Variants in CNTNAP2 observed in about 807,000 individuals in gnomAD.
The protein encoded by CNTNAP2 is contactin-associated protein-like 2.
In CNTNAP2, 98 loss-of-function variants were observed where a neutral mutation model predicts 155.2. The observed-to-expected ratio is 0.63, with a 90% CI of 0.54 to 0.75. CNTNAP2 has a LOEUF of 0.75. Among genes scored for constraint, CNTNAP2 ranks in the 30% least tolerant of loss-of-function variants. The probability of loss-of-function intolerance (pLI) is 0.00; values close to 1 mark genes in which losing one functional copy is unlikely to be tolerated. For synonymous variants in CNTNAP2, 651 were observed against 631.2 expected (o/e 1.03, Z -0.47); for missense variants, 1,727 against 1,688.1 (o/e 1.02, Z -0.40).
Position 146,409,711 on chromosome 7 carries a change from C to G in CNTNAP2, c.97+292738C>G, listed in dbSNP as rs1007387698. 3.9e-5 allele frequency among the ~76,000 whole-genome samples: 6 copies of G among 152,200 alleles called. No homozygotes were observed. In the East Asian group the frequency reaches 9.6e-4, roughly 24 times the overall value. On this transcript the variant is annotated intron_variant, in intron 1 of 23. Transcript: ENST00000361727. ...AGATTAATCACTGCATCCTCCTCCCCAAAGGCTTTCTACCCTTCCACTAAG... is the reference window on the plus strand; with the variant it reads ...AGATTAATCACTGCATCCTCCTCCCGAAAGGCTTTCTACCCTTCCACTAAG...
intron 17 of CNTNAP2, among the ~76,000 whole-genome samples, chr7:148,170,345 C>T (rs1012125929): frequency 6.6e-6 from 1 of 152,130 alleles, no homozygotes; most frequent in East Asian, 1.9e-4. Flanking sequence ...ATTGCAAGGA[C>T]AAAAGCCATA....
intron 1 of CNTNAP2, among the ~76,000 whole-genome samples, chr7:146,581,507 T>A (rs1296704288): frequency 6.6e-6 from 1 of 152,070 alleles, no homozygotes; most frequent in Non-Finnish European, 1.5e-5. Context: ...GATAGAATAT[T>A]GAAAGTGACC....
intron 3 of CNTNAP2, among the ~76,000 whole-genome samples, chr7:146,842,518 G>A (rs545406986): frequency 6.6e-6 from 1 of 152,080 alleles, no homozygotes; most frequent in South Asian, 2.1e-4. Context: ...CCTGAGACTG[G>A]GTAATTTACG....
intron 3 of CNTNAP2, among the ~76,000 whole-genome samples, chr7:146,929,259 G>T (rs185307218): frequency 3.3e-5 from 5 of 152,164 alleles, no homozygotes; most frequent in African/African-American, 1.2e-4. Context: ...GGAATGATCA[G>T]ACAGCAGCAT....
At chr7:146,605,048 C>A (rs576259942) in intron 1 of CNTNAP2, among the ~76,000 whole-genome samples, 15 of 134,498 alleles carry the variant, frequency 1.1e-4, no homozygotes, top group Non-Finnish European at 2.2e-4. Context: ...ACAATGTGCA[C>A]ATGTACCCTA....
chr7:147,805,224 C>T (rs558613207), intron 13 of CNTNAP2, among the ~76,000 whole-genome samples: 3 of 151,982 alleles, frequency 2.0e-5, no homozygotes, highest in South Asian at 4.2e-4. Context: ...AGCCTGGCCT[C>T]GAACTCCTCA....
intron 12 of CNTNAP2, among the ~76,000 whole-genome samples, chr7:147,580,294 C>T (rs1563006766): frequency 1.3e-5 from 2 of 152,182 alleles, no homozygotes; most frequent in Non-Finnish European, 2.9e-5. Flanking sequence ...TCTGTGCAAC[C>T]CTGCCGTCCC....
chr7:147,231,619 C>A (rs1309012752), intron 8 of CNTNAP2, among the ~76,000 whole-genome samples: 1 of 152,140 alleles, frequency 6.6e-6, no homozygotes, highest in African/African-American at 2.4e-5. Context: ...TTTTTGATAA[C>A]CATCCCAGCA....
intron 3 of CNTNAP2, among the ~76,000 whole-genome samples, chr7:146,869,149 G>GT (rs541310466): frequency 1.2e-3 from 183 of 152,278 alleles, no homozygotes; most frequent in African/African-American, 3.9e-3. Flanking sequence ...GTTGGCTGTG[G>GT]TTTTGTCATA....
chr7:147,314,853 T>C (rs1197583095), intron 9 of CNTNAP2, among the ~76,000 whole-genome samples: 2 of 151,050 alleles, frequency 1.3e-5, no homozygotes, highest in Non-Finnish European at 3.0e-5. Flanking sequence ...AAAAAAATGT[T>C]GGAAGATCAA....
intron 17 of CNTNAP2, among the ~76,000 whole-genome samples, chr7:148,171,203 A>G (rs1260708372): frequency 6.6e-6 from 1 of 152,192 alleles, no homozygotes; most frequent in Non-Finnish European, 1.5e-5. Context: ...AGTAGCATAT[A>G]TAAGGTACTG....
chr7:147,474,148 G>A (rs1459055011), intron 10 of CNTNAP2, among the ~76,000 whole-genome samples: 1 of 151,872 alleles, frequency 6.6e-6, no homozygotes, highest in African/African-American at 2.4e-5. Context: ...TGAATTACAA[G>A]GGATAAAGGG....
At chr7:146,709,322 C>T (rs568152055) in intron 1 of CNTNAP2, among the ~76,000 whole-genome samples, 12 of 152,060 alleles carry the variant, frequency 7.9e-5, no homozygotes, top group East Asian at 1.9e-4. Context: ...TGCATTCTAA[C>T]CATGAAAGCA....
chr7:146,146,986 A>G (rs897379188), intron 1 of CNTNAP2, among the ~76,000 whole-genome samples: 1 of 152,134 alleles, frequency 6.6e-6, no homozygotes, highest in Non-Finnish European at 1.5e-5. Flanking sequence ...CAAGTACTTT[A>G]GTTTTTTTCC....
At chr7:146,400,208 C>A (rs1486003868) in intron 1 of CNTNAP2, among the ~76,000 whole-genome samples, 1 of 151,628 alleles carries the variant, frequency 6.6e-6, no homozygotes, top group African/African-American at 2.4e-5. Context: ...TTCATGGAAA[C>A]TTCTAGAAGT....
At chr7:148,268,427 G>T (rs929103558) in intron 21 of CNTNAP2, among the ~76,000 whole-genome samples, 1 of 152,064 alleles carries the variant, frequency 6.6e-6, no homozygotes, top group African/African-American at 2.4e-5. Context: ...GCTGAGGCAG[G>T]CAGATCACGA....
chr7:148,366,723 C>G (rs1034349879), intron 21 of CNTNAP2, among the ~76,000 whole-genome samples: 3 of 152,128 alleles, frequency 2.0e-5, no homozygotes, highest in Non-Finnish European at 2.9e-5. Context: ...AAGAGGCCAT[C>G]ATGCAGTTTG....
intron 3 of CNTNAP2, among the ~76,000 whole-genome samples, chr7:146,936,640 C>A (rs946392044): frequency 6.6e-6 from 1 of 152,162 alleles, no homozygotes; most frequent in African/African-American, 2.4e-5. Flanking sequence ...AATAGGTAGA[C>A]AAGATTGAAA....
intron 2 of CNTNAP2, chr7:146,782,181 T>A (rs1047569130): frequency 2.0e-5 from 3 of 152,216 alleles, no homozygotes; most frequent in Admixed American, 6.5e-5. Context: ...TAGTACTTTT[T>A]AAAATTTTCT....
Sources: allele counts gnomAD v4.1 joint callset (sites outside exome capture counted in the v4.1 genomes callset), GRCh38; gene constraint gnomAD v4.1.1; transcripts MANE v1.5; gene names NCBI Gene and HGNC (gene_info 2026-07-23, HGNC 2026-07-21).